The following UBL7 variants were observed in gnomAD, a reference collection of about 807,000 sequenced individuals.
The protein encoded by UBL7 is ubiquitin-like protein 7.
UBL7 carries 21 observed loss-of-function variants against 41.7 expected under a neutral mutation model. That is an observed-to-expected ratio of 0.50 (90% CI 0.36 to 0.73). The LOEUF is 0.73. Ranked by LOEUF, UBL7 falls within the 30% of genes least tolerant of loss-of-function variation. The pLI is 0.00. For synonymous variants in UBL7, 157 were observed against 186.9 expected (o/e 0.84, Z 1.31); for missense variants, 403 against 478.4 (o/e 0.84, Z 1.47).
At chr15:74,451,165 C>T (rs150383756) in intron 5 of UBL7, among the ~76,000 whole-genome samples, 215 of 152,290 alleles carry the variant, frequency 1.4e-3, no homozygotes, top group African/African-American at 4.8e-3. Context: ...GTGCAGGACG[C>T]CTTCCCTGAT....
At chr15:74,452,822 G>A (rs1479834551) in intron 3 of UBL7, among the ~76,000 whole-genome samples, 2 of 151,996 alleles carry the variant, frequency 1.3e-5, no homozygotes, top group Admixed American at 6.6e-5. Flanking sequence ...AGCAACTCTC[G>A]TGCCTCAGCC....
At chr15:74,459,682 C>T (rs1049662906) in intron 1 of UBL7, among the ~76,000 whole-genome samples, 8 of 151,858 alleles carry the variant, frequency 5.3e-5, no homozygotes, top group Non-Finnish European at 1.0e-4. Context: ...CTTCCAATGT[C>T]GGGCTGGGCG....
chr15:74,458,677 G>C lies in UBL7; in HGVS notation c.184+7C>G, dbSNP rs1251118188. ...CAGCAGCCCAACCCCAGTCCAGAGA[G>C]ACTCACCAATCAGCTCAGGGTCTGG... On this transcript the variant is annotated splice_region_variant and intron_variant, in intron 2 of 10. Coordinates refer to ENST00000395081, the MANE Select transcript of UBL7 (RefSeq NM_032907.5). The C allele has an allele frequency of 1.2e-6, 2 of 1,608,684 alleles. No individual in the cohort carries two copies. Among genetic ancestry groups the C allele is most frequent in the East Asian group, 4.5e-5 (2 of 44,732 alleles).
At chr15:74,457,471 A>G (rs2061305332) in intron 2 of UBL7, among the ~76,000 whole-genome samples, 1 of 152,140 alleles carries the variant, frequency 6.6e-6, no homozygotes, top group Non-Finnish European at 1.5e-5. Context: ...TGAACCCAGG[A>G]GGCGGAGGTT....
rs761498588 is a variant in UBL7, at chr15:74,456,584, C to T, written c.272G>A (p.Arg91Gln). Residue 91 changes from arginine to glutamine, a missense_variant, in exon 3 of 11, where the codon CGA (arginine) becomes CAA (glutamine). By Grantham distance (43) the Arg-to-Gln change is conservative. Coordinates refer to ENST00000395081, the MANE Select transcript of UBL7 (RefSeq NM_032907.5). ...IQPGSTVHVL[R>Q]KSWPEPDQKP... ...CTGATCAGGTTCAGGCCAGGACTTT[C>T]GCAGAACATGGACAGTGGACCCAGG... is the stretch of plus-strand genomic sequence containing the variant. 20 of 1,614,002 alleles carry T rather than the reference C, an allele frequency of 1.2e-5. No homozygotes were observed. Among genetic ancestry groups the T allele is most frequent in the East Asian group, 2.2e-5 (1 of 44,896 alleles).
Position 74,456,414 on chromosome 15 carries a change from G to C in UBL7, c.304+138C>G, listed in dbSNP as rs566064250. On this transcript the variant is annotated intron_variant, in intron 3 of 10. Transcript: ENST00000395081. ...TTATCAGCATGGTCTAATCCAATAA[G>C]TAATAAAGATATCATTTATCATCAG... 8 of 1,160,660 alleles carry C rather than the reference G, an allele frequency of 6.9e-6. No individual in the cohort carries two copies. The East Asian group carries it at 2.0e-4, about 28-fold the overall frequency. The allele number at this position is 1,160,660 out of a possible 1,614,324, so 71.9% of individuals were successfully genotyped here.
intron 10 of UBL7, among the ~76,000 whole-genome samples, chr15:74,447,866 C>A (rs1441685802): frequency 6.6e-6 from 1 of 152,180 alleles, no homozygotes; most frequent in Non-Finnish European, 1.5e-5. Context: ...GACACTGCAT[C>A]CTAGCCTTGT....
rs1054321619 is a variant in UBL7 at position 74,446,038 on chromosome 15, C to G, written c.*52G>C. On this transcript the variant is annotated 3_prime_UTR_variant, in exon 11 of 11. Transcript: ENST00000395081. This position sits in a 1 kb window ranked among gnomAD's most constrained non-coding sequence, Gnocchi z 4.1. ...ATGGAGGCACCTTCATGAGTGCCTC[C>G]CAAGGGCAGTAGCCTCTGCAACTTG... is the stretch of plus-strand genomic sequence containing the variant. 1.3e-6 allele frequency: 2 copies of G among 1,599,022 alleles called. No homozygotes were observed. Among genetic ancestry groups the G allele is most frequent in the African/African-American group, 2.7e-5 (2 of 74,442 alleles).
At chr15:74,458,363 A>G (rs1648787094) in intron 2 of UBL7, among the ~76,000 whole-genome samples, 1 of 152,156 alleles carries the variant, frequency 6.6e-6, no homozygotes. Flanking sequence ...GGGACCCAGG[A>G]GACAGAGGTT....
rs1567088293 is a variant in UBL7, at chr15:74,450,289, T to C, written c.531-220A>G. ...AATTCCTGGGGTCCGCTGCAGATTC[T>C]TCACCCTCTCCACAGGCAAGGCATG... On this transcript the variant is annotated intron_variant, in intron 6 of 10. Transcript: ENST00000395081. Among the ~76,000 whole-genome samples, 4 of 152,284 alleles carry C rather than the reference T, an allele frequency of 2.6e-5. No individual in the cohort carries two copies. In the East Asian group the frequency reaches 7.7e-4, roughly 29 times the overall value.
At chr15:74,449,756 C>A (rs895979245) in intron 7 of UBL7, 81 bp from the exon 8 acceptor site, 2 of 1,587,842 alleles carry the variant, frequency 1.3e-6, no homozygotes, top group African/African-American at 2.7e-5. Context: ...AAGTTACTCT[C>A]CAAATTCATA....
intron 3 of UBL7, among the ~76,000 whole-genome samples, chr15:74,452,668 C>T: frequency 6.6e-6 from 1 of 152,194 alleles, no homozygotes; most frequent in East Asian, 1.9e-4. Context: ...GTGCTCTGAT[C>T]AACATACCAC....
rs1304055327 is a variant in UBL7 at position 74,456,685 on chromosome 15, T to C, written c.185-14A>G. On this transcript the variant is annotated splice_polypyrimidine_tract_variant and intron_variant, in intron 2 of 10. Transcript: ENST00000395081. Reference sequence around the variant, plus strand: ...AGTAGATCAGATCTAAAAAAAGAACTGTCCACTTATATTTTGCTCCTCAAA... The same window carrying C: ...AGTAGATCAGATCTAAAAAAAGAACCGTCCACTTATATTTTGCTCCTCAAA... 3 of 1,606,890 alleles carry C rather than the reference T, an allele frequency of 1.9e-6. No individual in the cohort carries two copies. Among genetic ancestry groups the C allele is most frequent in the Non-Finnish European group, 2.6e-6 (3 of 1,174,904 alleles).
chr15:74,458,782 T>C lies in UBL7; in HGVS notation c.86A>G (p.Glu29Gly). ...PKSILRLPETELGEYSLGGYS... is the reference protein window; with the variant it reads ...PKSILRLPETGLGEYSLGGYS... ...GCCCCCTAGCGAGTATTCTCCCAGT[T>C]CTGTCTCTGGCAACCGAAGAATAGA... Residue 29 changes from glutamate to glycine, a missense_variant, in exon 2 of 11, where the codon GAA (glutamate) becomes GGA (glycine). Glu to Gly is a moderately conservative substitution (Grantham distance 98). Coordinates refer to ENST00000395081, the MANE Select transcript of UBL7 (RefSeq NM_032907.5). The C allele has an allele frequency of 6.2e-7, 1 of 1,613,974 alleles. No homozygotes were observed. Among genetic ancestry groups the C allele is most frequent in the African/African-American group, 1.3e-5 (1 of 75,046 alleles).
At chr15:74,450,774 T>C in intron 6 of UBL7, 28 bp downstream of exon 6, 1 of 1,611,426 alleles carries the variant, frequency 6.2e-7, no homozygotes, top group East Asian at 2.2e-5. Flanking sequence ...AGAGAGAAGG[T>C]ACCCTCTAAT....
intron 10 of UBL7, among the ~76,000 whole-genome samples, chr15:74,448,247 C>T (rs2061204785): frequency 6.6e-6 from 1 of 152,148 alleles, no homozygotes; most frequent in Non-Finnish European, 1.5e-5. Context: ...GCCAGGTGGT[C>T]TAGGGAGTCA....
In UBL7 at chr15:74,446,023, C is replaced by T. The variant is rs2061179323; in HGVS notation, c.*67G>A. On this transcript the variant is annotated 3_prime_UTR_variant, in exon 11 of 11. Transcript: ENST00000395081. The surrounding 1 kb of genome is among the most constrained non-coding windows in gnomAD (Gnocchi z 4.1). Reference sequence around the variant, plus strand: ...TTGGGGAAGGGAGAGATGGAGGCACCTTCATGAGTGCCTCCCAAGGGCAGT... The same window carrying T: ...TTGGGGAAGGGAGAGATGGAGGCACTTTCATGAGTGCCTCCCAAGGGCAGT... 3.2e-6 allele frequency: 5 copies of T among 1,575,094 alleles called. No individual in the cohort carries two copies. The South Asian group carries it at 5.7e-5, about 18-fold the overall frequency.
intron 2 of UBL7, among the ~76,000 whole-genome samples, chr15:74,457,669 A>G (rs1160135550): frequency 2.0e-5 from 3 of 146,696 alleles, no homozygotes; most frequent in Non-Finnish European, 4.5e-5. Flanking sequence ...CCTGGGAGAC[A>G]GAGGTTACAA....
chr15:74,455,417 T>A (rs1424464544), intron 3 of UBL7, among the ~76,000 whole-genome samples: 2 of 152,194 alleles, frequency 1.3e-5, no homozygotes, highest in Non-Finnish European at 2.9e-5. Flanking sequence ...AAGAGCTATT[T>A]AAATACTCTT....
Sources: allele counts gnomAD v4.1 joint callset (sites outside exome capture counted in the v4.1 genomes callset), GRCh38; gene constraint gnomAD v4.1.1; non-coding constraint Gnocchi (gnomAD v3.1); transcripts MANE v1.5; gene names NCBI Gene and HGNC (gene_info 2026-07-23, HGNC 2026-07-21).